Variants in OSBPL10 observed in about 807,000 individuals in gnomAD.
OSBPL10 encodes oxysterol binding protein like 10, also known as oxysterol-binding protein-related protein 10.
Under a neutral mutation model 81.7 loss-of-function variants are expected in OSBPL10, and 49 were observed. That is an observed-to-expected ratio of 0.60 (90% CI 0.48 to 0.76). The LOEUF is 0.76. Among genes scored for constraint, OSBPL10 ranks in the 30% least tolerant of loss-of-function variants. The pLI is 0.00. For synonymous variants in OSBPL10, 419 were observed against 383.6 expected, an observed-to-expected ratio of 1.09 and a Z score of -1.08; for missense variants, 923 against 987.8, an observed-to-expected ratio of 0.93 and a Z score of 0.88.
chr3:31,794,293 C>T (rs6772738), intron 4 of OSBPL10, among the ~76,000 whole-genome samples: 8,007 of 152,236 alleles, frequency 0.053, 458 homozygotes, highest in African/African-American at 0.14. Flanking sequence ...TACAGGCGCA[C>T]GCCACCACAC....
intron 5 of OSBPL10, among the ~76,000 whole-genome samples, chr3:31,733,689 T>G (rs1358546872): frequency 4.6e-5 from 2 of 43,572 alleles, no homozygotes; most frequent in South Asian, 1.2e-3. Context: ...AAAGGTGTTT[T>G]TTTTTTTTTT....
chr3:31,782,610 C>T (rs1327351582), intron 4 of OSBPL10, among the ~76,000 whole-genome samples: 1 of 152,070 alleles, frequency 6.6e-6, no homozygotes, highest in African/African-American at 2.4e-5. Context: ...AACAAATAAT[C>T]CCATCAAAAA....
At chr3:31,888,786 T>C (rs955778098) in intron 1 of OSBPL10, among the ~76,000 whole-genome samples, 1 of 152,080 alleles carries the variant, frequency 6.6e-6, no homozygotes, top group Non-Finnish European at 1.5e-5. Context: ...TAGCCAGGCC[T>C]GGTGGTGCAT....
intron 3 of OSBPL10, among the ~76,000 whole-genome samples, chr3:31,857,502 G>T (rs377032177): frequency 6.6e-6 from 1 of 151,598 alleles, no homozygotes; most frequent in South Asian, 2.1e-4. Flanking sequence ...AAGATAAAAC[G>T]ACCAACTCAA....
chr3:31,879,640 G>A lies in OSBPL10; in HGVS notation c.457+15C>T, dbSNP rs764716287. ...CTAGAGGCCTGTCTGAAAAGTTACT[G>A]GGAGAAGAACGCACCTCTCAGTTTA... On this transcript the variant is annotated intron_variant, in intron 2 of 11. Transcript: ENST00000396556. 2.1e-5 allele frequency: 34 copies of A among 1,595,396 alleles called. No homozygotes were observed. Among genetic ancestry groups the A allele is most frequent in the African/African-American group, 4.1e-5 (3 of 73,874 alleles).
At chr3:31,694,370 CAAAAAAAAAAAA>C (rs747631578) in intron 7 of OSBPL10, among the ~76,000 whole-genome samples, 3 of 62,828 alleles carry the variant, frequency 4.8e-5, no homozygotes, top group Non-Finnish European at 7.8e-5. Flanking sequence ...GACTCTGTCT[CAAAAAAAAAAAA>C]AAAAAAAAAA....
intron 4 of OSBPL10, among the ~76,000 whole-genome samples, chr3:31,772,645 T>C (rs530899269): frequency 7.9e-5 from 12 of 152,142 alleles, no homozygotes; most frequent in Non-Finnish European, 1.6e-4. Context: ...CCTCTGGTCA[T>C]CTCCGCATGA....
intron 4 of OSBPL10, among the ~76,000 whole-genome samples, chr3:31,754,148 C>A (rs1256515826): frequency 7.2e-6 from 1 of 139,740 alleles, no homozygotes; most frequent in Non-Finnish European, 1.6e-5. Context: ...GCACAACATA[C>A]ACCTAAAATG....
chr3:31,800,538 A>C (rs112812233), intron 4 of OSBPL10, among the ~76,000 whole-genome samples: 3,871 of 152,254 alleles, frequency 0.025, 76 homozygotes, highest in Middle Eastern at 0.037. Flanking sequence ...TAAACACTCA[A>C]CCTAAGGAGC....
intron 4 of OSBPL10, among the ~76,000 whole-genome samples, chr3:31,809,869 C>CTTTTTTTATTTTTTTTTTTTTTTTTTTTT (rs1699628927): frequency 1.0e-5 from 1 of 98,646 alleles, no homozygotes; most frequent in African/African-American, 5.4e-5. Context: ...CCCCCTGACT[C>CTTTTTTTATTTTTTTTTTTTTTTTTTTTT]TTTTTTTTTT....
intron 1 of OSBPL10, among the ~76,000 whole-genome samples, chr3:31,942,386 A>C (rs1697561956): frequency 9.4e-6 from 1 of 106,008 alleles, no homozygotes. Flanking sequence ...TACTAAAAAT[A>C]CAAAAATTAG....
At chr3:31,983,042 G>A (rs1371608943), upstream of OSBPL10, among the ~76,000 whole-genome samples, 2 of 152,212 alleles carry the variant, frequency 1.3e-5, no homozygotes, top group Non-Finnish European at 2.9e-5. Flanking sequence ...TTAAGCTTGT[G>A]TCCTGGAGTG....
intron 1 of OSBPL10, among the ~76,000 whole-genome samples, chr3:32,052,406 A>G (rs971826117): frequency 3.3e-5 from 5 of 152,200 alleles, no homozygotes; most frequent in South Asian, 2.1e-4. Flanking sequence ...TGATTCATCA[A>G]GGATCTAGAA....
intron 2 of OSBPL10, among the ~76,000 whole-genome samples, chr3:32,001,068 T>C (rs185774560): frequency 1.3e-5 from 2 of 151,932 alleles, no homozygotes; most frequent in Non-Finnish European, 2.9e-5. Flanking sequence ...ACAGGCAGAG[T>C]TGAGAGATGA....
intron 3 of OSBPL10, among the ~76,000 whole-genome samples, chr3:31,846,452 C>T (rs1029189079): frequency 3.9e-5 from 6 of 151,900 alleles, no homozygotes; most frequent in African/African-American, 9.7e-5. Flanking sequence ...GGTAAAACCC[C>T]GTCTCTACTA....
intron 4 of OSBPL10, among the ~76,000 whole-genome samples, chr3:31,811,660 T>C (rs891968916): frequency 2.6e-5 from 4 of 152,104 alleles, no homozygotes; most frequent in East Asian, 1.9e-4. Flanking sequence ...TCCATAACAA[T>C]GTAATATACC....
At position 32,066,005 on chromosome 3, in the gene OSBPL10, AAGAGAAAGAAAGAAAGAAAGAG is replaced by A. The variant is rs1417791753; in HGVS notation, n.185+11369_185+11390del. 6.5e-3 allele frequency among the ~76,000 whole-genome samples: 316 copies of A among 48,612 alleles called. 101 individuals are homozygous for A. The East Asian group carries it at 0.079, about 12-fold the overall frequency. The allele number at this position is 48,612 out of a possible 152,430, so 31.9% of individuals were successfully genotyped here. Reference sequence around the variant, plus strand: ...AAAGAAAGAAAGAAAGAAAGAAAGAAAGAGAAAGAAAGAAAGAAAGAGAGAGAGAGAGAAAGAGAAAGAGAAG... The same window carrying A: ...AAAGAAAGAAAGAAAGAAAGAAAGAAAGAGAGAGAGAAAGAGAAAGAGAAG... On this transcript the variant is annotated intron_variant and non_coding_transcript_variant, in intron 1 of 3. Transcript: ENST00000479173.
intron 3 of OSBPL10, among the ~76,000 whole-genome samples, chr3:31,861,237 A>G (rs60592023): frequency 0.04 from 6,088 of 152,196 alleles, 211 homozygotes; most frequent in South Asian, 0.094. Flanking sequence ...CTTGGTGTCC[A>G]TGGGGGATTA....
intron 4 of OSBPL10, chr3:31,794,745 C>A (rs1007874633): frequency 1.3e-5 from 4 of 299,146 alleles, no homozygotes; most frequent in African/African-American, 9.1e-5. Flanking sequence ...AGAAGGCTCA[C>A]CCCTGTGAAA....
Sources: gnomAD v4.1 joint callset for allele counts (sites outside exome capture counted in the v4.1 genomes callset) on GRCh38, gnomAD v4.1.1 for gene constraint, MANE v1.5 for transcripts, NCBI Gene and HGNC (gene_info 2026-07-23, HGNC 2026-07-21) for gene names.